PHIP: variants seen among roughly 807,000 people sequenced by gnomAD.
PHIP encodes the protein PH-interacting protein.
Under a neutral mutation model 236.8 loss-of-function variants are expected in PHIP, and 54 were observed. The observed-to-expected ratio is 0.23, with a 90% CI of 0.18 to 0.29. PHIP has a LOEUF of 0.29. Ranked by LOEUF, PHIP falls within the 10% of genes least tolerant of loss-of-function variation. PHIP has a pLI of 1.00. For synonymous variants in PHIP, 756 were observed against 718.9 expected, an observed-to-expected ratio of 1.05 and a Z score of -0.83; for missense variants, 1,370 against 2,190.8, an observed-to-expected ratio of 0.63 and a Z score of 7.48.
At position 79,017,578 on chromosome 6, in the gene PHIP, T is replaced by C; in HGVS notation, c.1000A>G (p.Met334Val). 1.9e-6 allele frequency: 3 copies of C among 1,608,668 alleles called. No homozygotes were observed. Among genetic ancestry groups the C allele is most frequent in the Non-Finnish European group, 2.6e-6 (3 of 1,175,616 alleles). Residue 334 changes from methionine to valine, a missense_variant, in exon 11 of 40, where the codon ATG becomes GTG. Met to Val is a conservative substitution (Grantham distance 21, BLOSUM62 1). This residue lies in a region of PHIP where 188 missense variants were observed against 354.3 expected (regional missense o/e 0.53). Transcript: ENST00000275034. Reference sequence around the variant, plus strand: ...TCTGTGCTTCCCGTCGCCAGAAACATTCCACCTATGAAGAATAACAGCAAT... The same window carrying C: ...TCTGTGCTTCCCGTCGCCAGAAACACTCCACCTATGAAGAATAACAGCAAT... ...MICSSFSAGG[M>V]FLATGSTDHI...
At chr6:79,005,320 T>C (rs1193440385) in intron 15 of PHIP, among the ~76,000 whole-genome samples, 1 of 151,942 alleles carries the variant, frequency 6.6e-6, no homozygotes, top group Non-Finnish European at 1.5e-5. Context: ...AATATAACTA[T>C]TTCTCCAGAT....
At chr6:78,942,420 T>C (rs1403661454) in intron 39 of PHIP, among the ~76,000 whole-genome samples, 11 of 151,938 alleles carry the variant, frequency 7.2e-5, no homozygotes, top group Admixed American at 6.6e-4. Context: ...GAGGCGGAGG[T>C]TGCAGTGAGC....
chr6:79,049,166 G>A (rs1162397749), intron 6 of PHIP, among the ~76,000 whole-genome samples: 1 of 151,696 alleles, frequency 6.6e-6, no homozygotes, highest in Admixed American at 6.6e-5. Flanking sequence ...GGGTTCAAGC[G>A]ATTCTCATGC....
intron 22 of PHIP, among the ~76,000 whole-genome samples, chr6:78,983,978 A>C (rs1481815861): frequency 3.3e-5 from 5 of 152,194 alleles, no homozygotes; most frequent in African/African-American, 4.8e-5. Flanking sequence ...ATGAACATAA[A>C]TGTCTTAAAG....
chr6:79,014,296 A>G (rs1204481033), intron 15 of PHIP, among the ~76,000 whole-genome samples: 1 of 151,774 alleles, frequency 6.6e-6, no homozygotes, highest in Non-Finnish European at 1.5e-5. Flanking sequence ...TTCTGACCAC[A>G]TGTACTAATT....
intron 30 of PHIP, among the ~76,000 whole-genome samples, chr6:78,962,037 C>G (rs957451078): frequency 6.6e-6 from 1 of 151,858 alleles, no homozygotes; most frequent in Non-Finnish European, 1.5e-5. Context: ...ATAGGTTCAC[C>G]GGGAGAAAGA....
intron 6 of PHIP, among the ~76,000 whole-genome samples, chr6:79,052,777 T>C (rs1285364334): frequency 1.3e-5 from 2 of 152,162 alleles, no homozygotes; most frequent in Non-Finnish European, 2.9e-5. Flanking sequence ...GAACACACCA[T>C]GTTTCATTGT....
In PHIP at chr6:78,955,789, G is replaced by C. The variant is rs1044223746; in HGVS notation, c.3783-107C>G. The C allele has an allele frequency of 1.8e-5, 9 of 492,278 alleles. No individual in the cohort carries two copies. In the Admixed American group the frequency reaches 2.7e-4, roughly 15 times the overall value. The allele number at this position is 492,278 out of a possible 1,614,324, so 30.5% of individuals were successfully genotyped here. Reference sequence around the variant, plus strand: ...TTTAAGGTAAAAGTTGAAGCTGAAGGCTTGCTTTCTTCTCCATTGGCTTAC... The same window carrying C: ...TTTAAGGTAAAAGTTGAAGCTGAAGCCTTGCTTTCTTCTCCATTGGCTTAC... On this transcript the variant is annotated intron_variant, in intron 32 of 39. Coordinates refer to ENST00000275034, the MANE Select transcript of PHIP (RefSeq NM_017934.7).
chr6:78,967,868 C>T (rs909934325), intron 27 of PHIP, among the ~76,000 whole-genome samples: 1 of 152,202 alleles, frequency 6.6e-6, no homozygotes, highest in East Asian at 1.9e-4. Flanking sequence ...GGCGCGGTGG[C>T]TCATGCCTGT....
chr6:79,051,294 T>C (rs1018328650), intron 6 of PHIP, among the ~76,000 whole-genome samples: 6 of 152,082 alleles, frequency 3.9e-5, no homozygotes, highest in African/African-American at 1.4e-4. Flanking sequence ...ATAGTAACTA[T>C]AATGAATGAT....
rs746050774 is a variant in PHIP, at chr6:79,077,957, CG to C, written c.41-45del. On this transcript the variant is annotated intron_variant, in intron 1 of 39. Transcript: ENST00000275034. Reference sequence around the variant, plus strand: ...CGGGGAGACACACAGGCTGAGCGGTCGGGCGGCGGGGGGCGGGGGACCGCGG... The same window carrying C: ...CGGGGAGACACACAGGCTGAGCGGTCGGCGGCGGGGGGCGGGGGACCGCGG... The C allele has an allele frequency of 7.7e-6, 12 of 1,557,434 alleles. No homozygotes were observed. In the Admixed American group the frequency reaches 2.1e-4, roughly 27 times the overall value.
At chr6:78,978,776 C>G (rs775984541) in intron 23 of PHIP, 65 bp from the exon 24 acceptor site, 13 of 1,281,548 alleles carry the variant, frequency 1.0e-5, no homozygotes, top group Non-Finnish European at 1.4e-5. Context: ...CAAATCTACT[C>G]TTTAAAATAA....
chr6:78,984,175 C>T (rs958178574), intron 22 of PHIP, among the ~76,000 whole-genome samples: 1 of 152,130 alleles, frequency 6.6e-6, no homozygotes, highest in Non-Finnish European at 1.5e-5. Flanking sequence ...TCTTTATAAG[C>T]ACGTACCTAA....
chr6:79,043,439 G>A lies in PHIP; in HGVS notation c.440-436C>T, dbSNP rs536231028. Among the ~76,000 whole-genome samples, 6 of 152,182 alleles carry A rather than the reference G, an allele frequency of 3.9e-5. No homozygotes were observed. The South Asian group carries it at 8.3e-4, about 21-fold the overall frequency. On this transcript the variant is annotated intron_variant, in intron 6 of 39. Coordinates refer to ENST00000275034, the MANE Select transcript of PHIP (RefSeq NM_017934.7). ...ATAAATCAGTAACACTTGAACACTC[G>A]AAATCTGACATGCAGAATGATATTT...
rs780611047 is a variant in PHIP at position 79,017,603 on chromosome 6, T to C, written c.995-20A>G. On this transcript the variant is annotated intron_variant, in intron 10 of 39. Coordinates refer to ENST00000275034, the MANE Select transcript of PHIP (RefSeq NM_017934.7). ...TTCCACCTATGAAGAATAACAGCAA[T>C]TGTTAAGAAGTAAAACATAACTTCA... The C allele has an allele frequency of 9.7e-6, 15 of 1,542,248 alleles. No homozygotes were observed. Among genetic ancestry groups the C allele is most frequent in the Non-Finnish European group, 1.3e-5 (15 of 1,116,548 alleles).
intron 35 of PHIP, among the ~76,000 whole-genome samples, chr6:78,951,728 CTGCATTCTTATATATTTCCCTTTTAA>C (rs1256911845): frequency 6.6e-6 from 1 of 152,152 alleles, no homozygotes; most frequent in Non-Finnish European, 1.5e-5. Context: ...TAAAAGATGA[CTGCATTCTTATATATTTCCCTTTTAA>C]GTTTGAAAAG....
At chr6:79,069,273 C>T (rs1773774874) in intron 4 of PHIP, among the ~76,000 whole-genome samples, 1 of 150,310 alleles carries the variant, frequency 6.7e-6, no homozygotes, top group Admixed American at 6.6e-5. Context: ...AAATCCCAGC[C>T]CCTAAAATTC....
intron 7 of PHIP, among the ~76,000 whole-genome samples, chr6:79,042,171 C>G (rs138765150): frequency 6.6e-6 from 1 of 151,926 alleles, no homozygotes; most frequent in Admixed American, 6.6e-5. Context: ...GATGTTAAGG[C>G]ACCTGAAAAT....
chr6:78,973,647 GAC>G (rs1294082662), intron 24 of PHIP, among the ~76,000 whole-genome samples: 10 of 145,094 alleles, frequency 6.9e-5, no homozygotes, highest in African/African-American at 2.6e-4. Flanking sequence ...CACCTGCAGA[GAC>G]ACACATAGGC....
Sources: gnomAD v4.1 joint callset for allele counts (sites outside exome capture counted in the v4.1 genomes callset) on GRCh38, gnomAD v4.1.1 for gene constraint, gnomAD v4.1.1 regional missense constraint, MANE v1.5 for transcripts, NCBI Gene and HGNC (gene_info 2026-07-23, HGNC 2026-07-21) for gene names.